FNIP2: variants seen among roughly 807,000 people sequenced by gnomAD.
The protein encoded by FNIP2 is folliculin-interacting protein 2.
Under a neutral mutation model 108.7 loss-of-function variants are expected in FNIP2, and 32 were observed. The observed-to-expected ratio is 0.29, with a 90% CI of 0.22 to 0.40. FNIP2 has a LOEUF of 0.40. Ranked by LOEUF, FNIP2 falls within the 10% of genes least tolerant of loss-of-function variation. The pLI, the probability that FNIP2 is intolerant of heterozygous loss-of-function variation, is 1.00. For synonymous variants in FNIP2, 480 were observed against 496.7 expected (o/e 0.97, Z 0.45); for missense variants, 1,202 against 1,381.6 (o/e 0.87, Z 2.06).
Position 158,791,723 on chromosome 4 carries a change from C to T in FNIP2, c.107+22404C>T, listed in dbSNP as rs551648759. 6.6e-5 allele frequency among the ~76,000 whole-genome samples: 10 copies of T among 152,320 alleles called. No homozygotes were observed. In the East Asian group the frequency reaches 1.2e-3, roughly 18 times the overall value. ...AGAGGATAATGCCTCCCTGCCCAGA[C>T]GGTCTGATAAGAATGTCAGTAATGC... On this transcript the variant is annotated intron_variant, in intron 1 of 16. Transcript: ENST00000264433.
intron 7 of FNIP2, among the ~76,000 whole-genome samples, chr4:158,847,483 C>G (rs867986023): frequency 2.9e-4 from 44 of 152,166 alleles, no homozygotes; most frequent in African/African-American, 9.7e-4. Flanking sequence ...CATTTTCAGA[C>G]ACAGCCTGGG....
intron 1 of FNIP2, among the ~76,000 whole-genome samples, chr4:158,781,528 GT>G (rs1481135218): frequency 6.6e-6 from 1 of 151,988 alleles, no homozygotes; most frequent in African/African-American, 2.4e-5. Context: ...GTTTGTTTTT[GT>G]TTTGAGACAG....
rs1300666965 is a variant in FNIP2 at position 158,851,368 on chromosome 4, T to C, written c.775T>C (p.Ser259Pro). 6.2e-7 allele frequency: 1 copy of C among 1,613,994 alleles called. No individual in the cohort carries two copies. The highest frequency in any genetic ancestry group is 8.5e-7 in the Non-Finnish European group (1 of 1,179,886). ...LITPFPSPSS[S>P]TSSSSSYQRR... Reference sequence around the variant, plus strand: ...CACACCTTTCCCATCTCCAAGCTCCTCTACATCTTCTTCCAGCAGTTACCA... The same window carrying C: ...CACACCTTTCCCATCTCCAAGCTCCCCTACATCTTCTTCCAGCAGTTACCA... Residue 259 changes from serine to proline, a missense_variant, in exon 8 of 17, where the codon TCT (serine) becomes CCT (proline). This residue lies in a region of FNIP2 where 878 missense variants were observed against 990.3 expected (regional missense o/e 0.89). Transcript: ENST00000264433.
chr4:158,808,579 T>A (rs1777096043), intron 1 of FNIP2: 1 of 152,226 alleles, frequency 6.6e-6, no homozygotes, highest in Non-Finnish European at 1.5e-5. Context: ...AGTATTGTGC[T>A]TGGTTTCCAG....
chr4:158,887,285 T>C (rs778003453), intron 14 of FNIP2, among the ~76,000 whole-genome samples: 5 of 152,230 alleles, frequency 3.3e-5, no homozygotes, highest in Non-Finnish European at 7.3e-5. Context: ...CTGCTATGCA[T>C]GTGAACTTGA....
In FNIP2 at chr4:158,895,806, A is replaced by C. The variant is rs924674917; in HGVS notation, c.3207A>C (p.Leu1069=). Residue 1069 remains leucine, a synonymous_variant, in exon 16 of 17, where the codon CTA becomes CTC. Transcript: ENST00000264433. ...LQEMYLKSKM[L]SEYLRGHTRV... ...AGATGTACCTTAAAAGTAAAATGCT[A>C]TCTGAATATCTCCGGGGACACACAC... The C allele has an allele frequency of 6.2e-7, 1 of 1,613,374 alleles. No homozygotes were observed. Among genetic ancestry groups the C allele is most frequent in the Non-Finnish European group, 8.5e-7 (1 of 1,179,630 alleles).
chr4:158,806,315 G>C, intron 1 of FNIP2: 2 of 1,289,414 alleles, frequency 1.6e-6, no homozygotes, highest in South Asian at 2.5e-5. Context: ...AGATGTGTGA[G>C]TGATGCTGTT....
chr4:158,889,230 T>C (rs1782166897), intron 14 of FNIP2, among the ~76,000 whole-genome samples: 1 of 152,194 alleles, frequency 6.6e-6, no homozygotes, highest in Non-Finnish European at 1.5e-5. Context: ...TGATTTTTCA[T>C]GTTAGTATTT....
chr4:158,810,848 T>C (rs950402476), intron 1 of FNIP2, among the ~76,000 whole-genome samples: 1 of 152,182 alleles, frequency 6.6e-6, no homozygotes, highest in African/African-American at 2.4e-5. Context: ...TTCTGAAGCC[T>C]TTTTTCCTCA....
intron 1 of FNIP2, among the ~76,000 whole-genome samples, chr4:158,786,935 G>A (rs1356874646): frequency 6.6e-6 from 1 of 151,960 alleles, no homozygotes; most frequent in Non-Finnish European, 1.5e-5. Flanking sequence ...AACAGTAGTG[G>A]GAGAGATTAT....
At position 158,769,218 on chromosome 4, in the gene FNIP2, C is replaced by T. The variant is rs780031363; in HGVS notation, c.6C>T (p.Ala2=). The change falls in exon 1 of 17, where the codon GCC becomes GCT. Residue 2 remains alanine, a synonymous_variant. Coordinates refer to ENST00000264433, the MANE Select transcript of FNIP2 (RefSeq NM_020840.3). ...GGAGCTGCGGCGGCGGCATCATGGC[C>T]CCGACCCTGCTCCAGAAGCTCTTCA... is the stretch of plus-strand genomic sequence containing the variant. The part of the protein sequence containing the change: M[A]PTLLQKLFNK... 2.4e-5 allele frequency: 35 copies of T among 1,474,468 alleles called. No homozygotes were observed. Among genetic ancestry groups the T allele is most frequent in the Middle Eastern group, 2.4e-4 (1 of 4,212 alleles). The allele number at this position is 1,474,468 out of a possible 1,614,324, so 91.3% of individuals were successfully genotyped here. A position where few individuals can be genotyped will look rare whatever the true frequency, so the allele number is the denominator to read the frequency against.
chr4:158,790,300 A>T (rs1272067205), intron 1 of FNIP2, among the ~76,000 whole-genome samples: 2 of 151,566 alleles, frequency 1.3e-5, no homozygotes, highest in Non-Finnish European at 2.9e-5. Context: ...AATGGATCCT[A>T]TACTAAACTA....
chr4:158,825,793 T>C, intron 1 of FNIP2, 123 bp from the exon 2 acceptor site: 1 of 1,184,682 alleles, frequency 8.4e-7, no homozygotes, highest in Non-Finnish European at 1.2e-6. Context: ...AGGGGATCAC[T>C]AGCCCTGCAT....
chr4:158,772,239 CAA>C (rs889497497), intron 1 of FNIP2, among the ~76,000 whole-genome samples: 1 of 151,752 alleles, frequency 6.6e-6, no homozygotes, highest in African/African-American at 2.4e-5. Flanking sequence ...TAAATTAGGA[CAA>C]AAAAAATGAT....
intron 12 of FNIP2, among the ~76,000 whole-genome samples, chr4:158,866,461 G>C (rs1004322492): frequency 4.0e-5 from 6 of 148,540 alleles, no homozygotes; most frequent in South Asian, 2.1e-4. Context: ...CAAGTGATCC[G>C]CCCACCTCGG....
intron 6 of FNIP2, 196 bp downstream of exon 6, chr4:158,833,824 A>G (rs1418735131): frequency 3.3e-6 from 5 of 1,512,260 alleles, no homozygotes; most frequent in Non-Finnish European, 4.4e-6. Context: ...ATGCAGCAGC[A>G]AACTGCTGCA....
intron 1 of FNIP2, among the ~76,000 whole-genome samples, chr4:158,819,347 C>T (rs1013240200): frequency 2.0e-5 from 3 of 152,190 alleles, no homozygotes; most frequent in African/African-American, 7.2e-5. Context: ...TGCAGTATAG[C>T]TCTGTGTTGG....
intron 7 of FNIP2, among the ~76,000 whole-genome samples, chr4:158,840,644 C>T (rs1779079484): frequency 6.6e-6 from 1 of 152,184 alleles, no homozygotes; most frequent in African/African-American, 2.4e-5. Context: ...GATTCACCCA[C>T]CTCAGCCTCC....
chr4:158,841,678 C>A (rs951768033), intron 7 of FNIP2, among the ~76,000 whole-genome samples: 8 of 152,234 alleles, frequency 5.3e-5, no homozygotes, highest in African/African-American at 1.9e-4. Flanking sequence ...TGGAACACTT[C>A]CCTAACTTCC....
Sources: allele counts gnomAD v4.1 joint callset (sites outside exome capture counted in the v4.1 genomes callset), GRCh38; gene constraint gnomAD v4.1.1; regional missense constraint gnomAD v4.1.1; transcripts MANE v1.5; gene names NCBI Gene and HGNC (gene_info 2026-07-23, HGNC 2026-07-21).